GALNTL6: variants seen among roughly 807,000 people sequenced by gnomAD.
The protein encoded by GALNTL6 is polypeptide N-acetylgalactosaminyltransferase-like 6.
In GALNTL6, 46 loss-of-function variants were observed where a neutral mutation model predicts 73.7. The observed-to-expected ratio is 0.62, with a 90% CI of 0.49 to 0.80. The LOEUF (loss-of-function observed/expected upper bound fraction) is 0.80, where lower values mean the gene tolerates loss of function less well. GALNTL6 is among the 30% of genes least tolerant of loss of function. The probability of loss-of-function intolerance (pLI) is 0.00; values close to 1 mark genes in which losing one functional copy is unlikely to be tolerated. For synonymous variants in GALNTL6, 259 were observed against 263.7 expected (o/e 0.98, Z 0.17); for missense variants, 604 against 755.0 (o/e 0.80, Z 2.34).
intron 2 of GALNTL6, among the ~76,000 whole-genome samples, chr4:172,204,692 T>C (rs1418334567): frequency 6.6e-6 from 1 of 152,100 alleles, no homozygotes; most frequent in Non-Finnish European, 1.5e-5. Context: ...TCTGGTAAAA[T>C]TTATGAACCC....
intron 3 of GALNTL6, among the ~76,000 whole-genome samples, chr4:172,299,939 T>C (rs1480572555): frequency 6.6e-6 from 1 of 152,222 alleles, no homozygotes; most frequent in East Asian, 1.9e-4. Flanking sequence ...CTTTCTGTCT[T>C]GTTGATCTGT....
At chr4:172,339,554 C>G (rs187789167) in intron 4 of GALNTL6, among the ~76,000 whole-genome samples, 4 of 152,056 alleles carry the variant, frequency 2.6e-5, no homozygotes, top group African/African-American at 9.7e-5. Context: ...GTTGGGTTGC[C>G]GAAGAGTGAC....
At chr4:172,802,131 A>G (rs1342643402) in intron 5 of GALNTL6, among the ~76,000 whole-genome samples, 9 of 152,050 alleles carry the variant, frequency 5.9e-5, no homozygotes, top group Non-Finnish European at 1.2e-4. Flanking sequence ...GTGTCCTTTA[A>G]TATATTCTCC....
chr4:172,806,378 G>A (rs1274235282), intron 5 of GALNTL6, among the ~76,000 whole-genome samples: 1 of 152,172 alleles, frequency 6.6e-6, no homozygotes, highest in Non-Finnish European at 1.5e-5. Context: ...AAAATATGCA[G>A]TATCAGAAAA....
chr4:172,776,523 C>T (rs1228154108), intron 5 of GALNTL6, among the ~76,000 whole-genome samples: 2 of 151,896 alleles, frequency 1.3e-5, no homozygotes, highest in African/African-American at 2.4e-5. Context: ...TTTTTTAGAC[C>T]GTCTGTTTTC....
chr4:172,636,606 GA>G (rs2111109416), intron 5 of GALNTL6, among the ~76,000 whole-genome samples: 1 of 152,270 alleles, frequency 6.6e-6, no homozygotes, highest in South Asian at 2.1e-4. Flanking sequence ...TCTAGAGCTG[GA>G]AAAAGCAAGA....
intron 5 of GALNTL6, among the ~76,000 whole-genome samples, chr4:172,625,993 C>A (rs1739153545): frequency 6.6e-6 from 1 of 151,996 alleles, no homozygotes; most frequent in South Asian, 2.1e-4. Flanking sequence ...TTGATAGTTT[C>A]TTTGGCTGTA....
At chr4:172,506,075 A>G (rs1341231389) in intron 5 of GALNTL6, among the ~76,000 whole-genome samples, 1 of 53,936 alleles carries the variant, frequency 1.9e-5, no homozygotes, top group Non-Finnish European at 4.3e-5. Context: ...TTTGGAGCCT[A>G]TTGTCCCAGA....
At chr4:171,920,989 A>G (rs561502780) in intron 2 of GALNTL6, among the ~76,000 whole-genome samples, 24 of 152,114 alleles carry the variant, frequency 1.6e-4, no homozygotes, top group South Asian at 1.2e-3. Flanking sequence ...AATTTAAGGT[A>G]TTGTGTATTT....
At chr4:172,580,115 A>G (rs1455617946) in intron 5 of GALNTL6, among the ~76,000 whole-genome samples, 19 of 152,226 alleles carry the variant, frequency 1.2e-4, no homozygotes, top group Admixed American at 1.0e-3. Context: ...TGCCTCAAAT[A>G]AATCTGACAA....
In GALNTL6 at chr4:171,987,659, T is replaced by A. The variant is rs903972618; in HGVS notation, c.138+172941T>A. On this transcript the variant is annotated intron_variant, in intron 2 of 12. Transcript: ENST00000506823. ...GATGGAACACTGAGAAGTTATTTCC[T>A]TGAGGATAGATTTCCACGATGGAAA... is the stretch of plus-strand genomic sequence containing the variant. Among the ~76,000 whole-genome samples the A allele has an allele frequency of 2.6e-5, 4 of 152,248 alleles. No homozygotes were observed. The South Asian group carries it at 8.3e-4, about 32-fold the overall frequency.
At chr4:172,561,788 A>T (rs558762042) in intron 5 of GALNTL6, among the ~76,000 whole-genome samples, 36 of 152,342 alleles carry the variant, frequency 2.4e-4, no homozygotes, top group African/African-American at 8.2e-4. Context: ...GGTGAGACCC[A>T]GGCATCACTA....
intron 5 of GALNTL6, among the ~76,000 whole-genome samples, chr4:172,764,561 A>T (rs1021703692): frequency 6.6e-6 from 1 of 151,332 alleles, no homozygotes; most frequent in Non-Finnish European, 1.5e-5. Context: ...TTACAAAGTA[A>T]AAGTAAAAAA....
intron 10 of GALNTL6, among the ~76,000 whole-genome samples, chr4:173,007,816 A>T (rs1242192755): frequency 1.3e-5 from 2 of 152,044 alleles, no homozygotes; most frequent in South Asian, 4.1e-4. Context: ...AAAAAAAAAA[A>T]CAAGATATGA....
chr4:172,487,350 CTTTCTTTCCTT>C, intron 5 of GALNTL6, among the ~76,000 whole-genome samples: 1 of 122,620 alleles, frequency 8.2e-6, no homozygotes, highest in East Asian at 2.1e-4. Context: ...TTCTTTCTTT[CTTTCTTTCCTT>C]CTTTCCTTCT....
intron 5 of GALNTL6, among the ~76,000 whole-genome samples, chr4:172,467,174 G>T (rs913834951): frequency 6.6e-6 from 1 of 152,150 alleles, no homozygotes; most frequent in Non-Finnish European, 1.5e-5. Flanking sequence ...AGAAAAGGCC[G>T]TGATAATTAA....
intron 5 of GALNTL6, among the ~76,000 whole-genome samples, chr4:172,717,103 G>A (rs1735152128): frequency 7.5e-6 from 1 of 133,200 alleles, no homozygotes; most frequent in African/African-American, 2.7e-5. Flanking sequence ...AACCCATTAT[G>A]TGAATATATC....
intron 5 of GALNTL6, among the ~76,000 whole-genome samples, chr4:172,359,137 T>C (rs1031672516): frequency 6.6e-6 from 1 of 152,108 alleles, no homozygotes; most frequent in Non-Finnish European, 1.5e-5. Context: ...AACGTAAATG[T>C]CCATCAATGG....
intron 8 of GALNTL6, among the ~76,000 whole-genome samples, chr4:172,904,766 A>G (rs1039609469): frequency 4.6e-5 from 7 of 152,130 alleles, no homozygotes; most frequent in African/African-American, 1.7e-4. Context: ...AGTTAGTCCT[A>G]AAATAAGCCT....
Sources: allele counts gnomAD v4.1 joint callset (sites outside exome capture counted in the v4.1 genomes callset), GRCh38; gene constraint gnomAD v4.1.1; transcripts MANE v1.5; gene names NCBI Gene and HGNC (gene_info 2026-07-23, HGNC 2026-07-21).